SMOC2: variants seen among roughly 807,000 people sequenced by gnomAD.
SMOC2 encodes SPARC-related modular calcium-binding protein 2.
In SMOC2, 39 loss-of-function variants were observed where a neutral mutation model predicts 61.4. The ratio of observed to expected loss-of-function variants is 0.64; its 90% CI spans 0.49 to 0.83. The LOEUF is 0.83. Ranked by LOEUF, SMOC2 falls within the 40% of genes least tolerant of loss-of-function variation. The pLI, the probability that SMOC2 is intolerant of heterozygous loss-of-function variation, is 0.00. For missense variants in SMOC2, 556 were observed against 592.9 expected, an observed-to-expected ratio of 0.94 and a Z score of 0.65; for synonymous variants, 247 against 239.9, an observed-to-expected ratio of 1.03 and a Z score of -0.27.
At chr6:168,518,155 G>GAGGC (rs1245807986) in intron 2 of SMOC2, among the ~76,000 whole-genome samples, 7 of 152,232 alleles carry the variant, frequency 4.6e-5, no homozygotes, top group Non-Finnish European at 1.0e-4. Flanking sequence ...ACGTCCCCAT[G>GAGGC]AGGCTCCTTC....
At chr6:168,442,704 CTTTTCT>C (rs748535039) in intron 1 of SMOC2, among the ~76,000 whole-genome samples, 69 of 152,300 alleles carry the variant, frequency 4.5e-4, no homozygotes, top group East Asian at 2.1e-3. Flanking sequence ...ATGTGGGCAT[CTTTTCT>C]TTTTCTTTTT....
chr6:168,450,013 G>A (rs895640923), intron 1 of SMOC2, among the ~76,000 whole-genome samples: 1 of 152,020 alleles, frequency 6.6e-6, no homozygotes, highest in African/African-American at 2.4e-5. Context: ...TCCTGTCATT[G>A]CTGCTTCCTT....
intron 1 of SMOC2, among the ~76,000 whole-genome samples, chr6:168,466,747 C>T (rs1781843088): frequency 6.6e-6 from 1 of 152,250 alleles, no homozygotes; most frequent in Non-Finnish European, 1.5e-5. Flanking sequence ...TCCATGTCGG[C>T]CAAGGCCGGT....
At chr6:168,558,390 C>T (rs938783166) in intron 7 of SMOC2, among the ~76,000 whole-genome samples, 4 of 152,170 alleles carry the variant, frequency 2.6e-5, no homozygotes, top group Non-Finnish European at 1.5e-5. Flanking sequence ...TGTGCTCACT[C>T]CTCCTCCTGC....
At chr6:168,662,194 A>G (rs1787526039) in intron 11 of SMOC2, among the ~76,000 whole-genome samples, 1 of 152,274 alleles carries the variant, frequency 6.6e-6, no homozygotes, top group Admixed American at 6.5e-5. Context: ...TATTGACAGA[A>G]TAACAGTAAA....
intron 4 of SMOC2, among the ~76,000 whole-genome samples, chr6:168,530,354 G>A (rs1208757354): frequency 6.6e-6 from 1 of 152,042 alleles, no homozygotes; most frequent in Non-Finnish European, 1.5e-5. Context: ...TCATAATCAT[G>A]TATTCTTAAA....
intron 2 of SMOC2, among the ~76,000 whole-genome samples, chr6:168,522,112 G>T (rs1342647972): frequency 6.6e-6 from 1 of 152,096 alleles, no homozygotes; most frequent in Non-Finnish European, 1.5e-5. Flanking sequence ...TTTCTCTGAG[G>T]TAGACATTGA....
intron 9 of SMOC2, among the ~76,000 whole-genome samples, 175 bp from the exon 10 acceptor site, chr6:168,650,506 T>G (rs187401861): frequency 6.6e-6 from 1 of 152,346 alleles, no homozygotes; most frequent in Admixed American, 6.5e-5. Context: ...TAATAATAGC[T>G]ATGGCTCAAA....
chr6:168,501,350 G>A (rs574194952), intron 1 of SMOC2, among the ~76,000 whole-genome samples: 1 of 152,278 alleles, frequency 6.6e-6, no homozygotes, highest in African/African-American at 2.4e-5. Flanking sequence ...CAAAATAAAT[G>A]TTTTGGAAAA....
intron 9 of SMOC2, among the ~76,000 whole-genome samples, chr6:168,610,736 G>A (rs1410364902): frequency 3.9e-5 from 6 of 152,168 alleles, no homozygotes; most frequent in African/African-American, 1.2e-4. Flanking sequence ...GGCAGCAAAC[G>A]ATCATTGAGT....
chr6:168,579,189 T>C (rs1269022717), intron 7 of SMOC2, among the ~76,000 whole-genome samples: 7 of 152,240 alleles, frequency 4.6e-5, no homozygotes, highest in Admixed American at 4.6e-4. Flanking sequence ...GGCAGTGGCA[T>C]TGGGTTCCCA....
chr6:168,519,193 A>ATGCATGCATGTG (rs1783261934), intron 2 of SMOC2, among the ~76,000 whole-genome samples: 1 of 97,004 alleles, frequency 1.0e-5, no homozygotes, highest in Non-Finnish European at 2.0e-5. Context: ...GTGCATGTGT[A>ATGCATGCATGTG]TGTGTGTGTA....
chr6:168,662,283 C>G (rs1387771410), intron 11 of SMOC2, among the ~76,000 whole-genome samples: 1 of 152,132 alleles, frequency 6.6e-6, no homozygotes, highest in African/African-American at 2.4e-5. Context: ...AACCCCACAG[C>G]ACGATAGGGG....
At chr6:168,664,053 A>AT in intron 11 of SMOC2, 21 bp from the exon 12 acceptor site, 2 of 1,586,132 alleles carry the variant, frequency 1.3e-6, no homozygotes, top group Non-Finnish European at 1.7e-6. Context: ...TTTTAATAAT[A>AT]TCTTTTTTTT....
intron 8 of SMOC2, among the ~76,000 whole-genome samples, chr6:168,605,990 T>C (rs1042291259): frequency 1.3e-5 from 2 of 152,156 alleles, no homozygotes; most frequent in African/African-American, 2.4e-5. Context: ...TCCATTCTAA[T>C]GTAGGTCTCA....
At chr6:168,514,561 G>C (rs1783086791) in intron 2 of SMOC2, among the ~76,000 whole-genome samples, 1 of 152,242 alleles carries the variant, frequency 6.6e-6, no homozygotes, top group Non-Finnish European at 1.5e-5. Flanking sequence ...TACCTTGGCT[G>C]TAGTTATAAA....
At chr6:168,577,414 G>A (rs1316335367) in intron 7 of SMOC2, among the ~76,000 whole-genome samples, 2 of 152,212 alleles carry the variant, frequency 1.3e-5, no homozygotes, top group Non-Finnish European at 2.9e-5. Flanking sequence ...TAAACTCTGA[G>A]ATGTTTGGTT....
intron 8 of SMOC2, among the ~76,000 whole-genome samples, chr6:168,599,504 A>T (rs544591064): frequency 1.1e-3 from 49 of 45,406 alleles, no homozygotes; most frequent in African/African-American, 4.6e-3. Flanking sequence ...ACACCCACTG[A>T]CACTCACACA....
At chr6:168,510,706 G>T (rs1782986463) in intron 2 of SMOC2, among the ~76,000 whole-genome samples, 1 of 152,150 alleles carries the variant, frequency 6.6e-6, no homozygotes, top group African/African-American at 2.4e-5. Context: ...GTTAGCTTCA[G>T]CAATCCTCTT....
Sources: allele counts gnomAD v4.1 joint callset (sites outside exome capture counted in the v4.1 genomes callset), GRCh38; gene constraint gnomAD v4.1.1; transcripts MANE v1.5; gene names NCBI Gene and HGNC (gene_info 2026-07-23, HGNC 2026-07-21).